The following TMEM39A variants were observed in gnomAD, a reference collection of about 807,000 sequenced individuals.
The protein encoded by TMEM39A is suppressor of SQST-1 aggregates in rpl-43 mutants.
In TMEM39A, 19 loss-of-function variants were observed where a neutral mutation model predicts 51.9. That is an observed-to-expected ratio of 0.37 (90% CI 0.26 to 0.54). The LOEUF is 0.54. Among genes scored for constraint, TMEM39A ranks in the 20% least tolerant of loss-of-function variants. TMEM39A has a pLI of 0.88. For synonymous variants in TMEM39A, 197 were observed against 220.2 expected (o/e 0.89, Z 0.93); for missense variants, 433 against 590.5 (o/e 0.73, Z 2.76).
At chr3:119,434,959 T>C in intron 7 of TMEM39A, 77 bp from the exon 8 acceptor site, 1 of 1,538,542 alleles carries the variant, frequency 6.5e-7, no homozygotes, top group Non-Finnish European at 8.8e-7. Context: ...CAGCTGTATT[T>C]TTATGGAAGG....
intron 3 of TMEM39A, among the ~76,000 whole-genome samples, chr3:119,455,238 T>G (rs1390206754): frequency 3.3e-5 from 5 of 152,160 alleles, no homozygotes; most frequent in Non-Finnish European, 7.3e-5. Flanking sequence ...ATACCTTCAG[T>G]GATGGGAAAT....
At chr3:119,456,049 T>C (rs2081259414) in intron 3 of TMEM39A, among the ~76,000 whole-genome samples, 1 of 152,356 alleles carries the variant, frequency 6.6e-6, no homozygotes, top group Admixed American at 6.5e-5. Context: ...ATGGGAGTCA[T>C]ATAACGGTAC....
In TMEM39A at chr3:119,429,769, T is replaced by A. The variant is rs1366428595; in HGVS notation, c.*2212A>T. 1 of 152,118 alleles carries A rather than the reference T, an allele frequency of 6.6e-6. No individual in the cohort carries two copies. The highest frequency in any genetic ancestry group is 1.5e-5 in the Non-Finnish European group (1 of 68,002). The allele number at this position is 152,118 out of a possible 1,614,324, so 9.4% of individuals were successfully genotyped here. A position where few individuals can be genotyped will look rare whatever the true frequency, so the allele number is the denominator to read the frequency against. On this transcript the variant is annotated 3_prime_UTR_variant, in exon 9 of 9. Transcript: ENST00000319172. ...GGGTAGGAGGAACTTTGCAATTCCA[T>A]TAGCCAAAATTAATTTTTATTTATT...
At chr3:119,437,017 T>C in intron 6 of TMEM39A, 39 bp from the exon 7 acceptor site, 15 of 1,571,124 alleles carry the variant, frequency 9.5e-6, no homozygotes, top group Non-Finnish European at 1.2e-5. Flanking sequence ...ATCCATGCAC[T>C]GGTAAAAAGA....
At chr3:119,462,283 G>A (rs545278796) in intron 1 of TMEM39A, 135 bp from the exon 2 acceptor site, 235 of 510,648 alleles carry the variant, frequency 4.6e-4, no homozygotes, top group South Asian at 4.1e-3. Flanking sequence ...TACTACTTAC[G>A]TTATTCGAAT....
chr3:119,447,298 G>A (rs534515177), intron 4 of TMEM39A, 126 bp from the exon 5 acceptor site: 1 of 921,054 alleles, frequency 1.1e-6, no homozygotes, highest in Non-Finnish European at 1.6e-6. Context: ...TGAAATAAAA[G>A]AAAAACTGCC....
At chr3:119,447,452 A>G (rs536285591) in intron 4 of TMEM39A, among the ~76,000 whole-genome samples, 1 of 152,222 alleles carries the variant, frequency 6.6e-6, no homozygotes, top group South Asian at 2.1e-4. Context: ...GGAGCTTCTC[A>G]AAGTATGTTC....
At position 119,437,857 on chromosome 3, in the gene TMEM39A, T is replaced by A. The variant is rs1026232377; in HGVS notation, c.822A>T (p.Val274=). The part of the protein sequence containing the change: ...PLSPDLIRNE[V]ECLKADFNHR... ...GGTTGAAATCTGCTTTCAGACATTC[T>A]ACTTCATTGCGAATGAGGTCTGGAG... is the stretch of plus-strand genomic sequence containing the variant. The change falls in exon 6 of 9, where the codon GTA becomes GTT. Residue 274 remains valine, a synonymous_variant. Transcript: ENST00000319172. 2 of 1,612,036 alleles carry A rather than the reference T, an allele frequency of 1.2e-6. No individual in the cohort carries two copies. The highest frequency in any genetic ancestry group is 1.7e-4 in the Middle Eastern group (1 of 6,056).
intron 5 of TMEM39A, among the ~76,000 whole-genome samples, chr3:119,438,575 C>G (rs2081007412): frequency 4.6e-5 from 7 of 151,976 alleles, no homozygotes; most frequent in Admixed American, 4.6e-4. Flanking sequence ...AAATATTTTT[C>G]TATAGAAATT....
intron 5 of TMEM39A, among the ~76,000 whole-genome samples, chr3:119,445,582 A>G (rs2081114242): frequency 6.6e-6 from 1 of 152,168 alleles, no homozygotes; most frequent in South Asian, 2.1e-4. Context: ...TATTTATATG[A>G]ATTTAACCTC....
rs1264804304 is a variant in TMEM39A, at chr3:119,429,209, A to T, written c.*2772T>A. ...CTTAATAGAAATAAAAAAATTAATT[A>T]AAAAAAAGAGAGAGAAACGGCACAA... On this transcript the variant is annotated 3_prime_UTR_variant, in exon 9 of 9. Coordinates refer to ENST00000319172, the MANE Select transcript of TMEM39A (RefSeq NM_018266.3). Among the ~76,000 whole-genome samples the T allele has an allele frequency of 2.0e-5, 3 of 151,840 alleles. No individual in the cohort carries two copies. Among genetic ancestry groups the T allele is most frequent in the African/African-American group, 4.8e-5 (2 of 41,350 alleles).
chr3:119,453,156 C>A (rs2081221628), intron 3 of TMEM39A, among the ~76,000 whole-genome samples: 1 of 152,164 alleles, frequency 6.6e-6, no homozygotes, highest in African/African-American at 2.4e-5. Context: ...TCTTTAGCAA[C>A]AATATCCCAG....
intron 5 of TMEM39A, among the ~76,000 whole-genome samples, chr3:119,440,068 A>T (rs1002231831): frequency 6.6e-6 from 1 of 152,188 alleles, no homozygotes. Flanking sequence ...GCACCCAGAC[A>T]GAGAAGAAGT....
At chr3:119,437,018 G>A (rs761595872) in intron 6 of TMEM39A, 40 bp from the exon 7 acceptor site, 34 of 1,564,340 alleles carry the variant, frequency 2.2e-5, no homozygotes, top group Non-Finnish European at 2.9e-5. Flanking sequence ...TCCATGCACT[G>A]GTAAAAAGAG....
chr3:119,455,515 G>C (rs918310743), intron 3 of TMEM39A, among the ~76,000 whole-genome samples: 11 of 152,198 alleles, frequency 7.2e-5, no homozygotes, highest in African/African-American at 2.7e-4. Flanking sequence ...TCAGACTCTA[G>C]ATACGATTTA....
In TMEM39A at chr3:119,439,747, GGTAGAA is replaced by G. The variant is rs201809572; in HGVS notation, c.576-1650_576-1645del. Among the ~76,000 whole-genome samples the G allele has an allele frequency of 7.6e-3, 1,156 of 152,078 alleles. 20 individuals carry two copies. The highest frequency in any genetic ancestry group is 0.071 in the South Asian group (338 of 4,788). On this transcript the variant is annotated intron_variant, in intron 5 of 8. Transcript: ENST00000319172. Reference sequence around the variant, plus strand: ...ATGTGCCCTTGGGAGGACAAGAGTGGGTAGAAGTAGAAGTATTAATTCTAATTTTTT... The same window carrying G: ...ATGTGCCCTTGGGAGGACAAGAGTGGGTAGAAGTATTAATTCTAATTTTTT...
intron 6 of TMEM39A, 109 bp downstream of exon 6, chr3:119,437,646 C>CA: frequency 1.1e-6 from 1 of 885,198 alleles, no homozygotes. Context: ...CTCCACCATC[C>CA]AGGCTGCCAA....
intron 8 of TMEM39A, among the ~76,000 whole-genome samples, chr3:119,434,288 T>C (rs1160594494): frequency 6.6e-6 from 1 of 152,198 alleles, no homozygotes; most frequent in African/African-American, 2.4e-5. Context: ...TTCATGGCAT[T>C]TGTCTGACTT....
chr3:119,443,087 A>AAAAAAAAAAAAAAAAAAAC (rs199691444), intron 5 of TMEM39A, among the ~76,000 whole-genome samples: 1 of 133,536 alleles, frequency 7.5e-6, no homozygotes. Flanking sequence ...AAAAAAAAAA[A>AAAAAAAAAAAAAAAAAAAC]GTGAAGCCTG....
Sources: allele counts gnomAD v4.1 joint callset (sites outside exome capture counted in the v4.1 genomes callset), GRCh38; gene constraint gnomAD v4.1.1; transcripts MANE v1.5; gene names NCBI Gene and HGNC (gene_info 2026-07-23, HGNC 2026-07-21).